The following ZNF692 variants were observed in gnomAD, a reference collection of about 807,000 sequenced individuals.
The protein encoded by ZNF692 is zinc finger protein 692.
A neutral mutation model predicts 49.0 loss-of-function variants in ZNF692; 41 were observed. That is an observed-to-expected ratio of 0.84 (90% confidence interval 0.65 to 1.08). The LOEUF is 1.08. Ranked by LOEUF, ZNF692 falls within the 50% of genes least tolerant of loss-of-function variation. ZNF692 has a pLI of 0.00. For missense variants in ZNF692, 662 were observed against 662.2 expected (o/e 1.00, Z 0.00); for synonymous variants, 288 against 251.5 (o/e 1.15, Z -1.37).
chr1:248,850,327 T>TCCCACTAGGG lies in ZNF692; in HGVS notation c.1442_1443insCCCTAGTGGG (p.Pro485ThrfsTer?). ...GACAGGGCTCTAGGGGACCACTGGG[T>TCCCACTAGGG]GACTCTTGAGGGGCTAGAAGCAGGG... On this transcript the variant is annotated frameshift_variant, in exon 12 of 12. Coordinates refer to ENST00000306601, the MANE Select transcript of ZNF692 (RefSeq NM_017865.4). LOFTEE classifies it low-confidence loss of function (END_TRUNC). 2 of 1,613,808 alleles carry TCCCACTAGGG rather than the reference T, an allele frequency of 1.2e-6. No homozygotes were observed. Among genetic ancestry groups the TCCCACTAGGG allele is most frequent in the South Asian group, 2.2e-5 (2 of 91,048 alleles).
Position 248,858,458 on chromosome 1 carries a change from T to C in ZNF692, c.-12-137A>G. 1 of 1,551,174 alleles carries C rather than the reference T, an allele frequency of 6.4e-7. No homozygotes were observed. The highest frequency in any genetic ancestry group is 8.7e-7 in the Non-Finnish European group (1 of 1,146,830). ...AAACTATTTCAATAGCAGTGGCAGG[T>C]GTGGAGCCAAACCCCGTCCTTCTAT... On this transcript the variant is annotated intron_variant, in intron 1 of 11. Coordinates refer to ENST00000306601, the MANE Select transcript of ZNF692 (RefSeq NM_017865.4). The surrounding 1 kb of genome is among the most constrained non-coding windows in gnomAD (Gnocchi z 4.3).
chr1:248,858,714 G>T lies in ZNF692; in HGVS notation c.-13+204C>A. On this transcript the variant is annotated intron_variant, in intron 1 of 11. Transcript: ENST00000306601. This position sits in a 1 kb window ranked among gnomAD's most constrained non-coding sequence, Gnocchi z 4.3. ...GGTTTCTAGGGGAAGGAAAGGTCGT[G>T]TCCTGGCGTGCAGCTGGGGGCGCTC... 1.4e-6 allele frequency: 1 copy of T among 720,760 alleles called. No individual in the cohort carries two copies. The highest frequency in any genetic ancestry group is 2.4e-6 in the Non-Finnish European group (1 of 421,518). 44.6% of individuals were successfully genotyped at this position (720,760 alleles called of 1,614,324 possible).
At chr1:248,852,387 G>T (rs374008755) in intron 10 of ZNF692, among the ~76,000 whole-genome samples, 2 of 152,182 alleles carry the variant, frequency 1.3e-5, no homozygotes, top group African/African-American at 4.8e-5. Flanking sequence ...TGCTCAAACT[G>T]TTCCCCCGGC....
intron 6 of ZNF692, 43 bp from the exon 7 acceptor site, chr1:248,855,989 C>T (rs748576242): frequency 6.3e-7 from 1 of 1,588,118 alleles, no homozygotes; most frequent in Non-Finnish European, 8.6e-7. Flanking sequence ...ACTTTCTGGG[C>T]AGTCAGCCAT....
At position 248,856,292 on chromosome 1, in the gene ZNF692, C is replaced by G. The variant is rs760497594; in HGVS notation, c.655G>C (p.Asp219His). ...ASLWTYSSSPDDSEPDAPRLL... is the reference protein window; with the variant it reads ...ASLWTYSSSPHDSEPDAPRLL... ...TCTCCCTCAACCCCAACTTGCTCAT[C>G]TGGGGAGGAGCTGTAGGTCCATAAG... The change falls in exon 6 of 12, where the codon GAT (aspartate) becomes CAT (histidine). Residue 219 changes from aspartate to histidine, a missense_variant. Coordinates refer to ENST00000306601, the MANE Select transcript of ZNF692 (RefSeq NM_017865.4). The G allele has an allele frequency of 1.3e-6, 2 of 1,582,422 alleles. No homozygotes were observed. Among genetic ancestry groups the G allele is most frequent in the Non-Finnish European group, 1.7e-6 (2 of 1,164,652 alleles).
At chr1:248,851,473 G>T (rs1467103211) in intron 10 of ZNF692, among the ~76,000 whole-genome samples, 1 of 151,942 alleles carries the variant, frequency 6.6e-6, no homozygotes, top group Non-Finnish European at 1.5e-5. Context: ...CAGTAAAAAA[G>T]GTGTCTTTGC....
Position 248,850,098 on chromosome 1 carries a change from C to G in ZNF692, c.*112G>C. 7.9e-7 allele frequency: 1 copy of G among 1,262,650 alleles called. No homozygotes were observed. The highest frequency in any genetic ancestry group is 1.1e-6 in the Non-Finnish European group (1 of 927,314). 78.2% of individuals were successfully genotyped at this position (1,262,650 alleles called of 1,614,324 possible). A position where few individuals can be genotyped will look rare whatever the true frequency, so the allele number is the denominator to read the frequency against. The stretch of plus-strand genomic sequence containing the variant: ...GTCTTGCCCCCACCCTGCACTCTGT[C>G]GCCTTAGTTCCTGGGGACCAAGCAT... On this transcript the variant is annotated 3_prime_UTR_variant, in exon 12 of 12. Transcript: ENST00000306601.
chr1:248,856,652 T>G, intron 4 of ZNF692, 90 bp from the exon 5 acceptor site: 9 of 1,497,910 alleles, frequency 6.0e-6, no homozygotes, highest in South Asian at 6.0e-5. Flanking sequence ...GATGGGAGAC[T>G]CCTCTTTTTT....
Position 248,857,829 on chromosome 1 carries a change from T to C in ZNF692, c.210A>G (p.Ala70=). The part of the protein sequence containing the change: ...RYTSSGCVLC[A]GPEPLPPKGL... The stretch of plus-strand genomic sequence containing the variant: ...CACCCCCTGCCATCCCCTACCTACC[T>C]GCACAGAGGACACAGCCTGAAGAAG... Residue 70 remains alanine, a splice_region_variant and synonymous_variant, in exon 3 of 12, where the codon GCA becomes GCG. Transcript: ENST00000306601. 2 of 1,613,838 alleles carry C rather than the reference T, an allele frequency of 1.2e-6. No individual in the cohort carries two copies. Among genetic ancestry groups the C allele is most frequent in the Non-Finnish European group, 1.7e-6 (2 of 1,179,882 alleles).
intron 9 of ZNF692, among the ~76,000 whole-genome samples, chr1:248,855,132 C>A (rs1444790251): frequency 6.6e-6 from 1 of 152,210 alleles, no homozygotes; most frequent in Non-Finnish European, 1.5e-5. Context: ...AGGCTCAGAA[C>A]CCTAGCACTA....
Position 248,854,010 on chromosome 1 carries a change from GGA to G in ZNF692, c.1078_1079del (p.Ser360LeufsTer13), listed in dbSNP as rs762466483. 6.2e-7 allele frequency: 1 copy of G among 1,614,234 alleles called. No homozygotes were observed. Among genetic ancestry groups the G allele is most frequent in the Admixed American group, 1.7e-5 (1 of 60,032 alleles). On this transcript the variant is annotated frameshift_variant, in exon 10 of 12. Coordinates refer to ENST00000306601, the MANE Select transcript of ZNF692 (RefSeq NM_017865.4). LOFTEE classifies it high-confidence loss of function. ...KYQHIHQKSFSCPEPACGKSF... is the reference protein window; with the variant it reads ...KYQHIHQKSFXCPEPACGKSF... ...ACTTCCCACAGGCTGGCTCTGGGCA[GGA>G]GAAAGACTTCTGGTGGATGTGCTGG...
At chr1:248,852,180 A>T (rs1659677336) in intron 10 of ZNF692, among the ~76,000 whole-genome samples, 1 of 152,044 alleles carries the variant, frequency 6.6e-6, no homozygotes, top group Non-Finnish European at 1.5e-5. Context: ...TTCCCTCATC[A>T]GTTCACTTTT....
At position 248,853,991 on chromosome 1, in the gene ZNF692, C is replaced by T. The variant is rs757895326; in HGVS notation, c.1099G>A (p.Gly367Arg). The change falls in exon 10 of 12, where the codon GGG (glycine) becomes AGG (arginine). Residue 367 changes from glycine (G) to arginine (R), a missense_variant. Coordinates refer to ENST00000306601, the MANE Select transcript of ZNF692 (RefSeq NM_017865.4). ...KSFSCPEPACGKSFNFKKHLK... is the reference protein window; with the variant it reads ...KSFSCPEPACRKSFNFKKHLK... ...TGTTTCTTAAAGTTGAAAGACTTCCCACAGGCTGGCTCTGGGCAGGAGAAA... is the reference window on the plus strand; with the variant it reads ...TGTTTCTTAAAGTTGAAAGACTTCCTACAGGCTGGCTCTGGGCAGGAGAAA... 1.7e-5 allele frequency: 27 copies of T among 1,614,092 alleles called. No homozygotes were observed. The South Asian group carries it at 2.3e-4, about 14-fold the overall frequency.
At position 248,858,383 on chromosome 1, in the gene ZNF692, C is replaced by A; in HGVS notation, c.-12-62G>T. On this transcript the variant is annotated intron_variant, in intron 1 of 11. Transcript: ENST00000306601. This position sits in a 1 kb window ranked among gnomAD's most constrained non-coding sequence, Gnocchi z 4.3. ...ATCTCGGGGGTCGGGGACCCGGCTC[C>A]ACCTGCCGTTAGGGCCTCAGTTTCC... The A allele has an allele frequency of 6.5e-7, 1 of 1,532,528 alleles. No homozygotes were observed. Among genetic ancestry groups the A allele is most frequent in the Non-Finnish European group, 8.8e-7 (1 of 1,133,976 alleles). The allele number at this position is 1,532,528 out of a possible 1,614,324, so 94.9% of individuals were successfully genotyped here.
chr1:248,856,027 G>GAA, intron 6 of ZNF692, 81 bp from the exon 7 acceptor site: 1 of 1,447,492 alleles, frequency 6.9e-7, no homozygotes, highest in African/African-American at 1.4e-5. Flanking sequence ...CCCCTAAACT[G>GAA]AAAAGATCTC....
In ZNF692 at chr1:248,857,313, C is replaced by T. The variant is rs942292225; in HGVS notation, c.396G>A (p.Glu132=). The T allele has an allele frequency of 9.3e-6, 15 of 1,614,058 alleles. No individual in the cohort carries two copies. The African/African-American group carries it at 2.0e-4, about 22-fold the overall frequency. The change falls in exon 4 of 12, where the codon GAG becomes GAA. Residue 132 remains glutamate, a synonymous_variant. Transcript: ENST00000306601. ...WGPSLSPTPS[E]APKPASLPHT... is the part of the protein sequence containing the mutation. ...GTGGAAGGGAGGCTGGCTTGGGTGC[C>T]TCTGAAGGTGTAGGGCTCAAAGAGG...
intron 9 of ZNF692, among the ~76,000 whole-genome samples, chr1:248,855,039 CT>C (rs1400225331): frequency 6.6e-6 from 1 of 152,172 alleles, no homozygotes; most frequent in African/African-American, 2.4e-5. Context: ...ACAGGACCAT[CT>C]CCCAGCCCGT....
chr1:248,850,714 G>A lies in ZNF692; in HGVS notation c.1221C>T (p.His407=). 1.9e-6 allele frequency: 3 copies of A among 1,614,120 alleles called. No homozygotes were observed. The highest frequency in any genetic ancestry group is 2.5e-6 in the Non-Finnish European group (3 of 1,180,014). ...SFRTSSNLVI[H]RRIHTGEKPL... ...GTTTTTCTCCAGTGTGGATACGTCT[G>A]TGGATGACAAGGTTGCTGCTAGTGC... The change falls in exon 11 of 12, where the codon CAC becomes CAT. Residue 407 remains histidine (H), a synonymous_variant. Transcript: ENST00000306601.
Position 248,858,390 on chromosome 1 carries a change from C to T in ZNF692, c.-12-69G>A. 1 of 1,539,986 alleles carries T rather than the reference C, an allele frequency of 6.5e-7. No homozygotes were observed. Among genetic ancestry groups the T allele is most frequent in the African/African-American group, 1.4e-5 (1 of 72,964 alleles). ...GGGTCGGGGACCCGGCTCCACCTGC[C>T]GTTAGGGCCTCAGTTTCCTCATCAG... On this transcript the variant is annotated intron_variant, in intron 1 of 11. Coordinates refer to ENST00000306601, the MANE Select transcript of ZNF692 (RefSeq NM_017865.4). The surrounding 1 kb of genome is among the most constrained non-coding windows in gnomAD (Gnocchi z 4.3).
Sources: allele counts gnomAD v4.1 joint callset (sites outside exome capture counted in the v4.1 genomes callset), GRCh38; gene constraint gnomAD v4.1.1; non-coding constraint Gnocchi (gnomAD v3.1); transcripts MANE v1.5; gene names NCBI Gene and HGNC (gene_info 2026-07-23, HGNC 2026-07-21).